Variants in CDH12 observed in about 807,000 individuals in gnomAD.
CDH12 encodes cadherin-12.
In CDH12, 41 loss-of-function variants were observed where a neutral mutation model predicts 74.1. That is an observed-to-expected ratio of 0.55 (90% CI 0.43 to 0.72). The LOEUF is 0.72. Ranked by LOEUF, CDH12 falls within the 30% of genes least tolerant of loss-of-function variation. The pLI is 0.00. For synonymous variants in CDH12, 399 were observed against 355.0 expected, an observed-to-expected ratio of 1.12 and a Z score of -1.39; for missense variants, 945 against 977.2, an observed-to-expected ratio of 0.97 and a Z score of 0.44.
chr5:22,249,221 C>T (rs994725909), intron 3 of CDH12, among the ~76,000 whole-genome samples: 4 of 152,062 alleles, frequency 2.6e-5, no homozygotes, highest in Admixed American at 2.0e-4. Context: ...AATGTTAGAG[C>T]CATAGGGTTC....
chr5:22,257,500 T>C (rs1753361439), intron 3 of CDH12, among the ~76,000 whole-genome samples: 1 of 151,466 alleles, frequency 6.6e-6, no homozygotes, highest in African/African-American at 2.4e-5. Flanking sequence ...TTTATTTATT[T>C]ATTTATTTAT....
intron 1 of CDH12, among the ~76,000 whole-genome samples, chr5:22,697,095 C>G (rs2126952777): frequency 1.3e-5 from 2 of 152,248 alleles, no homozygotes; most frequent in South Asian, 4.1e-4. Flanking sequence ...CCCTTTAGAG[C>G]ACGATTATAA....
In CDH12 at chr5:21,783,373, T is replaced by C. The variant is rs1746018811; in HGVS notation, c.1378A>G (p.Ile460Val). ...CCATACTTACTAACTTTACTCGCAA[T>C]TATGGAGAAATTATACTGCGCAGTG... ...ESTAQYNFSI[I>V]ASKVSNPLLT... Residue 460 changes from isoleucine to valine, a missense_variant, in exon 11 of 15, where the codon ATT (isoleucine) becomes GTT (valine). Physicochemically the swap from Ile to Val is conservative, Grantham distance 29. This residue lies in a region of CDH12 where 791 missense variants were observed against 792.8 expected (regional missense o/e 1.00). Transcript: ENST00000382254. The C allele has an allele frequency of 1.2e-6, 2 of 1,612,964 alleles. No homozygotes were observed. The highest frequency in any genetic ancestry group is 1.3e-5 in the African/African-American group (1 of 74,986).
intron 3 of CDH12, among the ~76,000 whole-genome samples, chr5:22,286,946 T>C (rs1737159028): frequency 6.6e-6 from 1 of 152,180 alleles, no homozygotes. Context: ...ATATGCATCT[T>C]TAGACATTAA....
At chr5:22,246,872 C>G (rs1224007078) in intron 3 of CDH12, among the ~76,000 whole-genome samples, 1 of 151,956 alleles carries the variant, frequency 6.6e-6, no homozygotes, top group Non-Finnish European at 1.5e-5. Context: ...TATTCTTAAG[C>G]CTTTAGATAC....
At chr5:22,848,028 T>G (rs1444695404) in intron 1 of CDH12, among the ~76,000 whole-genome samples, 1 of 152,062 alleles carries the variant, frequency 6.6e-6, no homozygotes, top group African/African-American at 2.4e-5. Context: ...GGATGAAAGG[T>G]GTGCACCACC....
chr5:22,350,002 C>G (rs1411649543), intron 3 of CDH12, among the ~76,000 whole-genome samples: 1 of 152,192 alleles, frequency 6.6e-6, no homozygotes, highest in African/African-American at 2.4e-5. Context: ...GGGCTTATTA[C>G]TTTCTGTAAC....
At chr5:22,705,128 TATAC>T (rs1425075967) in intron 1 of CDH12, among the ~76,000 whole-genome samples, 8 of 86,460 alleles carry the variant, frequency 9.3e-5, no homozygotes, top group East Asian at 2.9e-4. Context: ...TATATATATA[TATAC>T]ACACACACAC....
At chr5:22,049,780 A>T (rs1364474377) in intron 5 of CDH12, among the ~76,000 whole-genome samples, 3 of 152,058 alleles carry the variant, frequency 2.0e-5, no homozygotes, top group Non-Finnish European at 4.4e-5. Context: ...CACCAACATC[A>T]TCCCCTTCTT....
At chr5:22,092,650 T>C (rs1407846950) in intron 4 of CDH12, among the ~76,000 whole-genome samples, 1 of 152,080 alleles carries the variant, frequency 6.6e-6, no homozygotes, top group African/African-American at 2.4e-5. Flanking sequence ...CTGCTAAGAA[T>C]GTAAAATGGT....
chr5:22,322,552 T>C (rs1738930661), intron 3 of CDH12, among the ~76,000 whole-genome samples: 1 of 152,198 alleles, frequency 6.6e-6, no homozygotes, highest in South Asian at 2.1e-4. Context: ...ATGACGATGA[T>C]GATCATGATG....
Position 22,499,549 on chromosome 5 carries a change from T to C in CDH12, c.-428+5721A>G, listed in dbSNP as rs1747249569. ...ACAAAGTTGATATACTTTGAAATCA[T>C]TATATGAGCTTGTGTCAAAGAATAC... On this transcript the variant is annotated intron_variant, in intron 2 of 14. Transcript: ENST00000382254. Among the ~76,000 whole-genome samples the C allele has an allele frequency of 3.3e-5, 5 of 152,266 alleles. No individual in the cohort carries two copies. In the South Asian group the frequency reaches 1.0e-3, roughly 32 times the overall value.
chr5:22,760,645 C>T (rs2127054410), intron 1 of CDH12, among the ~76,000 whole-genome samples: 1 of 123,802 alleles, frequency 8.1e-6, no homozygotes, highest in South Asian at 2.7e-4. Flanking sequence ...TGTCATTGCA[C>T]TCCAGCCTGG....
At chr5:22,822,927 T>C (rs927600539) in intron 1 of CDH12, among the ~76,000 whole-genome samples, 9 of 152,080 alleles carry the variant, frequency 5.9e-5, no homozygotes, top group African/African-American at 1.2e-4. Flanking sequence ...TAAAGATACA[T>C]GCACATGTAT....
chr5:22,688,906 C>A (rs1741944569), intron 1 of CDH12, among the ~76,000 whole-genome samples: 1 of 152,036 alleles, frequency 6.6e-6, no homozygotes, highest in Non-Finnish European at 1.5e-5. Flanking sequence ...TGAATGATAG[C>A]AAAATGGCCA....
At chr5:22,660,535 C>T (rs981020096) in intron 1 of CDH12, among the ~76,000 whole-genome samples, 10 of 152,286 alleles carry the variant, frequency 6.6e-5, no homozygotes, top group South Asian at 2.1e-4. Flanking sequence ...TCTCAGCCCC[C>T]GGAGTAGCTG....
chr5:22,420,471 C>CTGGA (rs1372166693), intron 2 of CDH12, among the ~76,000 whole-genome samples: 1 of 151,972 alleles, frequency 6.6e-6, no homozygotes, highest in African/African-American at 2.4e-5. Flanking sequence ...TTGTCAAAGA[C>CTGGA]TGGATGATTA....
intron 1 of CDH12, among the ~76,000 whole-genome samples, chr5:22,527,491 C>G (rs923466417): frequency 1.3e-5 from 2 of 152,138 alleles, no homozygotes; most frequent in Admixed American, 6.6e-5. Context: ...TAGGCCTGTG[C>G]AAGTCAGACT....
chr5:22,419,583 T>C (rs1243561427), intron 2 of CDH12, among the ~76,000 whole-genome samples: 8 of 152,314 alleles, frequency 5.3e-5, no homozygotes, highest in African/African-American at 1.4e-4. Context: ...CATGCCTTTG[T>C]TATTGTAAAT....
Sources: allele counts gnomAD v4.1 joint callset (sites outside exome capture counted in the v4.1 genomes callset), GRCh38; gene constraint gnomAD v4.1.1; regional missense constraint gnomAD v4.1.1; transcripts MANE v1.5; gene names NCBI Gene and HGNC (gene_info 2026-07-23, HGNC 2026-07-21).